Variants in FUT8 observed in about 807,000 individuals in gnomAD.
The protein encoded by FUT8 is alpha-(1,6)-fucosyltransferase.
Under a neutral mutation model 71.3 loss-of-function variants are expected in FUT8, and 29 were observed. The observed-to-expected ratio is 0.41, with a 90% confidence interval of 0.30 to 0.55. The LOEUF is 0.55. Ranked by LOEUF, FUT8 falls within the 20% of genes least tolerant of loss-of-function variation. The pLI, the probability that FUT8 is intolerant of heterozygous loss-of-function variation, is 0.34. For missense variants in FUT8, 544 were observed against 702.1 expected (o/e 0.77, Z 2.55); for synonymous variants, 254 against 239.3 (o/e 1.06, Z -0.57).
At chr14:65,595,695 G>A (rs866037700) in intron 3 of FUT8, among the ~76,000 whole-genome samples, 2 of 128,406 alleles carry the variant, frequency 1.6e-5, no homozygotes, top group South Asian at 2.7e-4. Context: ...TGCAAGCTCC[G>A]CCTCCCGGGT....
intron 3 of FUT8, among the ~76,000 whole-genome samples, chr14:65,611,124 T>C (rs1393427293): frequency 1.3e-5 from 2 of 151,090 alleles, no homozygotes; most frequent in Non-Finnish European, 3.0e-5. Flanking sequence ...ACCTCTTTTT[T>C]TCATGGCCAG....
chr14:65,707,772 T>C (rs1324847088), intron 7 of FUT8, among the ~76,000 whole-genome samples: 1 of 152,180 alleles, frequency 6.6e-6, no homozygotes, highest in Non-Finnish European at 1.5e-5. Flanking sequence ...CAAAACTCAA[T>C]TGACCATAAA....
intron 6 of FUT8, among the ~76,000 whole-genome samples, chr14:65,640,704 A>G (rs1028625341): frequency 1.3e-5 from 2 of 152,176 alleles, no homozygotes; most frequent in African/African-American, 4.8e-5. Flanking sequence ...ATATAAATAA[A>G]TGAGTTAATG....
chr14:65,493,013 T>C (rs1344533138), intron 2 of FUT8, among the ~76,000 whole-genome samples: 1 of 152,120 alleles, frequency 6.6e-6, no homozygotes, highest in Non-Finnish European at 1.5e-5. Context: ...AAACTTGGGC[T>C]CTCCAATAGT....
chr14:65,727,006 T>G, intron 9 of FUT8, among the ~76,000 whole-genome samples: 1 of 152,208 alleles, frequency 6.6e-6, no homozygotes. Flanking sequence ...CTCCTTTGAC[T>G]CCACGCCTCA....
intron 2 of FUT8, among the ~76,000 whole-genome samples, chr14:65,516,706 T>C (rs1882729877): frequency 6.6e-6 from 1 of 152,072 alleles, no homozygotes; most frequent in East Asian, 1.9e-4. Flanking sequence ...AATAATATCA[T>C]AGTAATATAC....
intron 9 of FUT8, among the ~76,000 whole-genome samples, chr14:65,728,859 C>T (rs1282982501): frequency 1.3e-5 from 2 of 152,022 alleles, no homozygotes; most frequent in Non-Finnish European, 2.9e-5. Context: ...TGTAAATACA[C>T]CCTATGATGT....
intron 2 of FUT8, among the ~76,000 whole-genome samples, chr14:65,534,399 A>G (rs1255923413): frequency 6.6e-6 from 1 of 151,798 alleles, no homozygotes; most frequent in African/African-American, 2.4e-5. Flanking sequence ...AAGTTTTAGT[A>G]TCATCATGAT....
At chr14:65,570,623 C>A (rs1294698173) in intron 3 of FUT8, among the ~76,000 whole-genome samples, 1 of 152,032 alleles carries the variant, frequency 6.6e-6, no homozygotes, top group Admixed American at 6.6e-5. Flanking sequence ...CTTCTTGGTT[C>A]TTGCTCTTTT....
chr14:65,445,338 C>G (rs1376946960), intron 1 of FUT8, among the ~76,000 whole-genome samples: 1 of 152,236 alleles, frequency 6.6e-6, no homozygotes, highest in Non-Finnish European at 1.5e-5. Context: ...TCACCAGATG[C>G]TGGCGCCTTG....
intron 1 of FUT8, among the ~76,000 whole-genome samples, chr14:65,441,741 G>T (rs529312545): frequency 1.1e-5 from 1 of 94,954 alleles, no homozygotes; most frequent in Non-Finnish European, 1.9e-5. Context: ...GACAGAGTGA[G>T]ATTCCATCTC....
the FUT8 span, among the ~76,000 whole-genome samples, chr14:65,389,316 C>T: frequency 4.6e-5 from 7 of 151,642 alleles, no homozygotes; most frequent in Admixed American, 4.0e-4. Flanking sequence ...CTCAAGCGAT[C>T]CTCCCACCTC....
intron 1 of FUT8, among the ~76,000 whole-genome samples, chr14:65,433,247 A>C (rs2065503738): frequency 6.6e-6 from 1 of 152,164 alleles, no homozygotes. Flanking sequence ...TCTCATTACC[A>C]CTAACATATA....
chr14:65,437,935 A>T (rs1397700723), intron 1 of FUT8, among the ~76,000 whole-genome samples: 2 of 152,062 alleles, frequency 1.3e-5, no homozygotes, highest in Non-Finnish European at 2.9e-5. Flanking sequence ...CTTTGATTTT[A>T]AATTATTTCT....
At chr14:65,624,284 CT>C (rs61702275) in intron 5 of FUT8, among the ~76,000 whole-genome samples, 6,795 of 145,624 alleles carry the variant, frequency 0.047, 452 homozygotes, top group African/African-American at 0.16. Context: ...TTAGTGTACT[CT>C]TTTTTTTTTT....
chr14:65,527,100 A>G (rs1356624079), intron 2 of FUT8, among the ~76,000 whole-genome samples: 2 of 152,122 alleles, frequency 1.3e-5, no homozygotes, highest in Non-Finnish European at 2.9e-5. Context: ...CTGAATTTGA[A>G]TGTTGGCCTG....
At chr14:65,434,600 A>G (rs1221980908) in intron 1 of FUT8, among the ~76,000 whole-genome samples, 1 of 152,244 alleles carries the variant, frequency 6.6e-6, no homozygotes, top group Non-Finnish European at 1.5e-5. Context: ...AAAGAGAAAT[A>G]CTTACATAGG....
At chr14:65,714,971 T>G (rs1894980261) in intron 7 of FUT8, among the ~76,000 whole-genome samples, 1 of 152,214 alleles carries the variant, frequency 6.6e-6, no homozygotes, top group Non-Finnish European at 1.5e-5. Context: ...TTCTAAATTT[T>G]TTTTTGTAGA....
At chr14:65,606,805 C>G (rs1888612945) in intron 3 of FUT8, among the ~76,000 whole-genome samples, 1 of 151,718 alleles carries the variant, frequency 6.6e-6, no homozygotes, top group South Asian at 2.1e-4. Context: ...ATTTTAGGAT[C>G]ACTTTGCTAA....
Sources: gnomAD v4.1 joint callset for allele counts (sites outside exome capture counted in the v4.1 genomes callset) on GRCh38, gnomAD v4.1.1 for gene constraint, MANE v1.5 for transcripts, NCBI Gene and HGNC (gene_info 2026-07-23, HGNC 2026-07-21) for gene names.